Variants in MAP3K15 observed in about 807,000 individuals in gnomAD.
The protein encoded by MAP3K15 is mitogen-activated protein kinase kinase kinase 15.
Under a neutral mutation model 99.5 loss-of-function variants are expected in MAP3K15, and 124 were observed. The ratio of observed to expected loss-of-function variants is 1.25; its 90% CI spans 1.08 to 1.45. MAP3K15 has a LOEUF of 1.45. Ranked by LOEUF, MAP3K15 falls within the 40% of genes most tolerant of loss-of-function variation. The probability of loss-of-function intolerance (pLI) is 0.00; values close to 1 mark genes in which losing one functional copy is unlikely to be tolerated. For missense variants in MAP3K15, 1,242 were observed against 1,079.7 expected (o/e 1.15, Z -2.11); for synonymous variants, 494 against 439.6 (o/e 1.12, Z -1.55).
Position 19,488,857 on chromosome X carries a change from T to A in MAP3K15, c.472A>T (p.Thr158Ser). Residue 158 changes from threonine (T) to serine (S), a missense_variant, in exon 2 of 29, where the codon ACC (threonine) becomes TCC (serine). Transcript: ENST00000338883. ...MANNVILYHDTDADTALSLKD... is the reference protein window; with the variant it reads ...MANNVILYHDSDADTALSLKD... ...AAAGAGAGAGCAGTGTCGGCATCGG[T>A]GTCATGGTACAAGATCACATTATTG... 8.3e-7 allele frequency: 1 copy of A among 1,197,670 alleles called. No homozygotes were observed.
At chrX:19,416,761 A>C (rs1441447845) in intron 9 of MAP3K15, among the ~76,000 whole-genome samples, 1 of 111,719 alleles carries the variant, frequency 9.0e-6, no homozygotes, top group Non-Finnish European at 1.9e-5. Flanking sequence ...AAAATACAAA[A>C]TATTGTTTAT....
chrX:19,368,996 G>T, intron 25 of MAP3K15, 58 bp downstream of exon 25: 1 of 1,089,731 alleles, frequency 9.2e-7, no homozygotes, highest in Non-Finnish European at 1.2e-6. Flanking sequence ...CAGCATCTTG[G>T]TGGCTCAGGC....
At chrX:19,513,407 G>A (rs770480883) in intron 1 of MAP3K15, among the ~76,000 whole-genome samples, 1 of 112,298 alleles carries the variant, frequency 8.9e-6, no homozygotes, top group Admixed American at 9.4e-5. Context: ...ATGAATACAA[G>A]TTGAGAAAAC....
intron 6 of MAP3K15, among the ~76,000 whole-genome samples, chrX:19,453,512 A>AG (rs1198867871): frequency 9.1e-6 from 1 of 110,100 alleles, no homozygotes; most frequent in Non-Finnish European, 1.9e-5. Context: ...AAAAAAAAAA[A>AG]AAAAGTAGTA....
chrX:19,449,385 G>C (rs2064022187), intron 6 of MAP3K15, among the ~76,000 whole-genome samples: 1 of 109,934 alleles, frequency 9.1e-6, no homozygotes, highest in Admixed American at 9.6e-5. Context: ...TATTGTTGGT[G>C]ATGCAAATGT....
chrX:19,428,204 A>G (rs1202517065), intron 7 of MAP3K15, among the ~76,000 whole-genome samples: 1 of 111,650 alleles, frequency 9.0e-6, no homozygotes, highest in African/African-American at 3.3e-5. Flanking sequence ...ATGATATCCA[A>G]GATAGATCTT....
chrX:19,419,719 A>T (rs1417712522), intron 9 of MAP3K15, among the ~76,000 whole-genome samples: 27 of 111,800 alleles, frequency 2.4e-4, no homozygotes, highest in East Asian at 1.4e-3. Flanking sequence ...TCTCCACCCC[A>T]AATCAACAGA....
At chrX:19,453,292 G>A (rs751465184) in intron 6 of MAP3K15, among the ~76,000 whole-genome samples, 1 of 110,289 alleles carries the variant, frequency 9.1e-6, no homozygotes, top group East Asian at 2.8e-4. Context: ...CTTGAGGTCA[G>A]GAGTTTGAGA....
chrX:19,438,289 G>A (rs1306347289), intron 6 of MAP3K15, among the ~76,000 whole-genome samples: 1 of 110,868 alleles, frequency 9.0e-6, no homozygotes, highest in East Asian at 2.8e-4. Context: ...TATTTATTTG[G>A]TAGAGATGGG....
At chrX:19,457,480 C>T (rs894631745) in intron 5 of MAP3K15, among the ~76,000 whole-genome samples, 2 of 110,991 alleles carry the variant, frequency 1.8e-5, no homozygotes, top group African/African-American at 3.3e-5. Flanking sequence ...GGCATGGTGG[C>T]GGGCGCCTGG....
At chrX:19,445,146 T>C in intron 6 of MAP3K15, among the ~76,000 whole-genome samples, 1 of 111,295 alleles carries the variant, frequency 9.0e-6, no homozygotes, top group Non-Finnish European at 1.9e-5. Flanking sequence ...TTTCTTCTTT[T>C]CCCTATCTCA....
At chrX:19,444,962 G>A (rs1280912305) in intron 6 of MAP3K15, among the ~76,000 whole-genome samples, 4 of 110,198 alleles carry the variant, frequency 3.6e-5, no homozygotes, top group African/African-American at 1.3e-4. Context: ...CCCTCAACCA[G>A]TGATGGCTGA....
In MAP3K15 at chrX:19,515,152, G is replaced by A; in HGVS notation, c.110C>T (p.Pro37Leu). 1.2e-6 allele frequency: 1 copy of A among 800,337 alleles called. No individual in the cohort carries two copies. The highest frequency in any genetic ancestry group is 6.3e-5 in the South Asian group (1 of 15,770). The allele number at this position is 800,337 out of a possible 1,213,427, so 66.0% of individuals were successfully genotyped here. A position where few individuals can be genotyped will look rare whatever the true frequency, so the allele number is the denominator to read the frequency against. Reference sequence around the variant, plus strand: ...TGCCGCGCCCTCCGCCGCCCCGTCGGGCTCCGCCGGCCCGGCCGCGCCCTC... The same window carrying A: ...TGCCGCGCCCTCCGCCGCCCCGTCGAGCTCCGCCGGCCCGGCCGCGCCCTC... ...GVEGAAGPAE[P>L]DGAAEGAAGG... Residue 37 changes from proline (P) to leucine (L), a missense_variant, in exon 1 of 29, where the codon CCC (proline) becomes CTC (leucine). Pro to Leu is a moderately conservative substitution (Grantham distance 98, BLOSUM62 -3). Coordinates refer to ENST00000338883, the MANE Select transcript of MAP3K15 (RefSeq NM_001001671.4).
chrX:19,421,579 A>C (rs2063785414), intron 9 of MAP3K15, among the ~76,000 whole-genome samples: 1 of 109,429 alleles, frequency 9.1e-6, no homozygotes, highest in South Asian at 3.9e-4. Flanking sequence ...AGGAAGAATC[A>C]ATATCGTGAA....
intron 19 of MAP3K15, among the ~76,000 whole-genome samples, chrX:19,378,426 C>A (rs755980276): frequency 1.8e-5 from 2 of 111,825 alleles, no homozygotes; most frequent in Non-Finnish European, 1.9e-5. Context: ...GCTGGGGAGG[C>A]CTCAGGACAT....
At chrX:19,443,245 C>T (rs191205744) in intron 6 of MAP3K15, among the ~76,000 whole-genome samples, 1 of 108,155 alleles carries the variant, frequency 9.2e-6, no homozygotes, top group Non-Finnish European at 1.9e-5. Flanking sequence ...GTAGACCAGG[C>T]TGGTCTCAAA....
Position 19,392,033 on chromosome X carries a change from C to G in MAP3K15, c.2400G>C (p.Ala800=). The G allele has an allele frequency of 8.3e-7, 1 of 1,210,480 alleles. No individual in the cohort carries two copies. The highest frequency in any genetic ancestry group is 1.1e-6 in the Non-Finnish European group (1 of 894,286). Residue 800 remains alanine, a synonymous_variant, in exon 18 of 29, where the codon GCG becomes GCC. Coordinates refer to ENST00000338883, the MANE Select transcript of MAP3K15 (RefSeq NM_001001671.4). ...ISDFGTSKRL[A]GVNPCTETFT... ...AAGTCTCTGTGCAGGGGTTCACACC[C>G]GCAAGACGTTTCGAGGTTCCAAAAT...
At chrX:19,367,303 A>AAC (rs1184961535) in intron 25 of MAP3K15, among the ~76,000 whole-genome samples, 1 of 110,895 alleles carries the variant, frequency 9.0e-6, no homozygotes, top group East Asian at 2.8e-4. Flanking sequence ...AGAGGGGAAC[A>AAC]ACACACACTG....
chrX:19,435,289 G>C (rs774555944), intron 6 of MAP3K15, among the ~76,000 whole-genome samples: 5 of 105,323 alleles, frequency 4.7e-5, no homozygotes, highest in Non-Finnish European at 7.7e-5. Context: ...GCAGTGGTAC[G>C]ATCTCGGTTC....
Sources: gnomAD v4.1 joint callset for allele counts (sites outside exome capture counted in the v4.1 genomes callset) on GRCh38, gnomAD v4.1.1 for gene constraint, MANE v1.5 for transcripts, NCBI Gene and HGNC (gene_info 2026-07-23, HGNC 2026-07-21) for gene names.